Variants in ADAMTSL1 observed in about 807,000 individuals in gnomAD.
The protein encoded by ADAMTSL1 is ADAMTS-like protein 1.
Under a neutral mutation model 201.8 loss-of-function variants are expected in ADAMTSL1, and 126 were observed. The observed-to-expected ratio is 0.62, with a 90% CI of 0.54 to 0.72. The LOEUF is 0.72. Ranked by LOEUF, ADAMTSL1 falls within the 30% of genes least tolerant of loss-of-function variation. The pLI, the probability that ADAMTSL1 is intolerant of heterozygous loss-of-function variation, is 0.00. For missense variants in ADAMTSL1, 2,679 were observed against 2,277.8 expected (o/e 1.18, Z -3.59); for synonymous variants, 1,121 against 903.4 (o/e 1.24, Z -4.32).
At chr9:17,963,065 G>A (rs1817824523) in intron 1 of ADAMTSL1, among the ~76,000 whole-genome samples, 1 of 152,188 alleles carries the variant, frequency 6.6e-6, no homozygotes, top group South Asian at 2.1e-4. Flanking sequence ...ATAAGTAAAT[G>A]AGATTTAGAG....
At chr9:18,418,454 C>G (rs1350632375) in intron 2 of ADAMTSL1, among the ~76,000 whole-genome samples, 1 of 152,128 alleles carries the variant, frequency 6.6e-6, no homozygotes, top group Non-Finnish European at 1.5e-5. Context: ...TTTTGATTGT[C>G]TATGTAGAAC....
chr9:18,289,164 TCTATCTATCTACCTAC>T (rs771823328), intron 2 of ADAMTSL1, among the ~76,000 whole-genome samples: 1,893 of 127,478 alleles, frequency 0.015, 16 homozygotes, highest in Non-Finnish European at 0.019. Flanking sequence ...TATCTATCTA[TCTATCTATCTACCTAC>T]CTATCTATCT....
intron 5 of ADAMTSL1, 65 bp downstream of exon 5, chr9:18,622,434 G>GC: frequency 1.2e-6 from 2 of 1,608,110 alleles, no homozygotes; most frequent in Non-Finnish European, 1.7e-6. Context: ...CTTAGGTCTG[G>GC]CCCCACTAAA....
rs78854002 is a variant in ADAMTSL1, at chr9:18,023,647, C to A, written c.87+116725C>A. On this transcript the variant is annotated intron_variant, in intron 1 of 29. Coordinates refer to the ADAMTSL1 transcript ENST00000680146. ...GGGTGCGAATGGAGTAATATTATAA[C>A]ATTTCCCCAGATTTCTTCTGTCTGG... Among the ~76,000 whole-genome samples the A allele has an allele frequency of 6.6e-3, 999 of 152,236 alleles. 16 individuals are homozygous for A. Among genetic ancestry groups the A allele is most frequent in the African/African-American group, 0.023 (952 of 41,552 alleles).
At chr9:18,363,257 G>A (rs995113354) in intron 2 of ADAMTSL1, among the ~76,000 whole-genome samples, 1 of 152,200 alleles carries the variant, frequency 6.6e-6, no homozygotes, top group Non-Finnish European at 1.5e-5. Flanking sequence ...AACCTATCAG[G>A]CATCCTGCCA....
intron 4 of ADAMTSL1, among the ~76,000 whole-genome samples, chr9:18,616,088 C>T (rs888875742): frequency 6.6e-6 from 1 of 152,048 alleles, no homozygotes; most frequent in African/African-American, 2.4e-5. Context: ...TGGAGTGACG[C>T]CATCTCGGCT....
chr9:18,256,823 T>C (rs561122915), intron 2 of ADAMTSL1, among the ~76,000 whole-genome samples: 1 of 152,338 alleles, frequency 6.6e-6, no homozygotes, highest in South Asian at 2.1e-4. Context: ...TGCCTGTTCC[T>C]TGGGAATGTT....
intron 2 of ADAMTSL1, among the ~76,000 whole-genome samples, chr9:18,271,410 G>T (rs1341891493): frequency 1.3e-5 from 2 of 151,994 alleles, no homozygotes; most frequent in East Asian, 3.9e-4. Context: ...CCACCTATGA[G>T]TGAGAACATG....
chr9:18,278,283 A>G (rs1430965649), intron 2 of ADAMTSL1, among the ~76,000 whole-genome samples: 1 of 152,126 alleles, frequency 6.6e-6, no homozygotes, highest in Non-Finnish European at 1.5e-5. Context: ...GTTAAGTAGC[A>G]TTGTTTCGTT....
chr9:17,919,869 T>G (rs2383051), intron 1 of ADAMTSL1, among the ~76,000 whole-genome samples: 56,762 of 151,950 alleles, frequency 0.37, 11,059 homozygotes, highest in East Asian at 0.6. Context: ...AATAGTACAC[T>G]ATATTTAATC....
chr9:18,103,976 A>G (rs1292781215), intron 1 of ADAMTSL1, among the ~76,000 whole-genome samples: 1 of 152,142 alleles, frequency 6.6e-6, no homozygotes. Context: ...TAGTGTCAAA[A>G]CCAGTTTGAC....
At chr9:17,928,704 G>T (rs1376295481) in intron 1 of ADAMTSL1, among the ~76,000 whole-genome samples, 1 of 152,098 alleles carries the variant, frequency 6.6e-6, no homozygotes, top group Non-Finnish European at 1.5e-5. Flanking sequence ...GAGGCCAGGA[G>T]TTCAAGACGA....
intron 1 of ADAMTSL1, among the ~76,000 whole-genome samples, chr9:17,989,862 A>C (rs1342917936): frequency 6.6e-6 from 1 of 151,618 alleles, no homozygotes; most frequent in Non-Finnish European, 1.5e-5. Flanking sequence ...AAGGTCTTCT[A>C]AGTCTTCAAG....
At chr9:18,047,227 GA>G (rs1467934335) in intron 1 of ADAMTSL1, among the ~76,000 whole-genome samples, 5 of 152,104 alleles carry the variant, frequency 3.3e-5, no homozygotes, top group Non-Finnish European at 7.4e-5. Flanking sequence ...ACTAGATAAT[GA>G]AAATGATTAT....
intron 1 of ADAMTSL1, among the ~76,000 whole-genome samples, chr9:18,088,457 G>T (rs1379478502): frequency 6.6e-6 from 1 of 152,084 alleles, no homozygotes; most frequent in Non-Finnish European, 1.5e-5. Context: ...TGGAGAAAAT[G>T]CAACTTAAGG....
At position 18,518,076 on chromosome 9, in the gene ADAMTSL1, T is replaced by C. The variant is rs557484275; in HGVS notation, c.191+13120T>C. On this transcript the variant is annotated intron_variant, in intron 2 of 28. Coordinates refer to ENST00000380548, the MANE Select transcript of ADAMTSL1 (RefSeq NM_001040272.6). ...TAAAGCACTAACAGTACACCAAGCATGTTGCTAGATTCTGCAGCTCAGAGA... is the reference window on the plus strand; with the variant it reads ...TAAAGCACTAACAGTACACCAAGCACGTTGCTAGATTCTGCAGCTCAGAGA... Among the ~76,000 whole-genome samples, 66 of 152,262 alleles carry C rather than the reference T, an allele frequency of 4.3e-4. No homozygotes were observed. The Middle Eastern group carries it at 0.02, about 47-fold the overall frequency.
chr9:18,467,905 T>C (rs1408490261), intron 2 of ADAMTSL1, among the ~76,000 whole-genome samples: 1 of 152,332 alleles, frequency 6.6e-6, no homozygotes, highest in Non-Finnish European at 1.5e-5. Flanking sequence ...TGTTAACAGC[T>C]CTTCACCTTA....
intron 2 of ADAMTSL1, among the ~76,000 whole-genome samples, chr9:18,393,278 C>G (rs1838126501): frequency 6.6e-6 from 1 of 152,106 alleles, no homozygotes; most frequent in Non-Finnish European, 1.5e-5. Flanking sequence ...TTAAGAAGTA[C>G]TGTTGCTGTT....
chr9:18,120,815 T>C (rs1375910340), intron 1 of ADAMTSL1, among the ~76,000 whole-genome samples: 2 of 152,176 alleles, frequency 1.3e-5, no homozygotes, highest in Non-Finnish European at 2.9e-5. Flanking sequence ...AGTCATGTAA[T>C]TTAATATACC....
Sources: allele counts gnomAD v4.1 joint callset (sites outside exome capture counted in the v4.1 genomes callset), GRCh38; gene constraint gnomAD v4.1.1; transcripts MANE v1.5; gene names NCBI Gene and HGNC (gene_info 2026-07-23, HGNC 2026-07-21).